EIF5A: variants seen among roughly 807,000 people sequenced by gnomAD.
The protein encoded by EIF5A is eukaryotic translation initiation factor 5A, also known as eukaryotic translation initiation factor 5A-1.
In EIF5A, 1 loss-of-function variant was observed where a neutral mutation model predicts 16.6. The observed-to-expected ratio is 0.06, with a 90% CI of 0.02 to 0.28. EIF5A has a LOEUF of 0.28. EIF5A is among the 10% of genes least tolerant of loss of function. The pLI is 1.00. For missense variants in EIF5A, 29 were observed against 196.1 expected (o/e 0.15, Z 5.09); for synonymous variants, 80 against 73.6 (o/e 1.09, Z -0.44).
intron 1 of EIF5A, chr17:7,308,717 TTCACCTTG>T (rs1377394269): frequency 1.6e-6 from 1 of 614,332 alleles, no homozygotes; most frequent in Non-Finnish European, 2.4e-6. Flanking sequence ...ATAGGCGTTC[TTCACCTTG>T]TCACTGTCTT....
At chr17:7,308,419 C>T (rs2072701059) in intron 1 of EIF5A, 1 of 1,292,924 alleles carries the variant, frequency 7.7e-7, no homozygotes. Context: ...CGCGGGGGTT[C>T]CGAGGGGGCC....
Position 7,308,300 on chromosome 17 carries a change from G to C in EIF5A, c.-22+548G>C, listed in dbSNP as rs1029720262. 8.9e-5 allele frequency: 102 copies of C among 1,143,094 alleles called. No individual in the cohort carries two copies. The African/African-American group carries it at 1.4e-3, about 16-fold the overall frequency. The allele number at this position is 1,143,094 out of a possible 1,614,324, so 70.8% of individuals were successfully genotyped here. On this transcript the variant is annotated intron_variant, in intron 1 of 5. Coordinates refer to ENST00000336458, the MANE Select transcript of EIF5A (RefSeq NM_001970.5). ...GCCGCATGGCCAAGCGTGGACCGGG[G>C]CCGCATGGCAGCGCGGGGACCCCTC...
chr17:7,308,921 A>C (rs1387042493), intron 1 of EIF5A, among the ~76,000 whole-genome samples: 2 of 152,178 alleles, frequency 1.3e-5, no homozygotes, highest in Non-Finnish European at 2.9e-5. Flanking sequence ...GGACAGATGC[A>C]TCCTGGGAAA....
chr17:7,308,141 G>T, intron 1 of EIF5A: 10 of 438,338 alleles, frequency 2.3e-5, no homozygotes, highest in Non-Finnish European at 3.1e-5. Context: ...TCGGTGAGAG[G>T]GCATGATGGG....
At position 7,311,496 on chromosome 17, in the gene EIF5A, T is replaced by G. The variant is rs374999461; in HGVS notation, c.402+15T>G. ...AAGAGATCCTGGTATGGTGCCTCCC[T>G]CCCTGCTTCTGTGCTCAGCTTTGTT... On this transcript the variant is annotated intron_variant, in intron 4 of 5. Coordinates refer to ENST00000336458, the MANE Select transcript of EIF5A (RefSeq NM_001970.5). 73 of 1,614,026 alleles carry G rather than the reference T, an allele frequency of 4.5e-5. No homozygotes were observed. The highest frequency in any genetic ancestry group is 5.8e-5 in the Non-Finnish European group (69 of 1,180,024).
At chr17:7,308,506 C>T in intron 1 of EIF5A, 1 of 1,351,394 alleles carries the variant, frequency 7.4e-7, no homozygotes, top group Non-Finnish European at 9.8e-7. Context: ...TATGTTAGCG[C>T]TTCCCAACCT....
intron 2 of EIF5A, chr17:7,310,394 C>G (rs2143009161): frequency 1.7e-6 from 2 of 1,189,588 alleles, no homozygotes; most frequent in East Asian, 5.9e-5. Flanking sequence ...CCCTCATCAC[C>G]TCAGACTTTT....
intron 1 of EIF5A, 129 bp downstream of exon 1, chr17:7,307,881 G>A: frequency 1.0e-6 from 1 of 983,642 alleles, no homozygotes; most frequent in Non-Finnish European, 1.2e-6. Context: ...GCCAGAGAGC[G>A]GCGCGAGGTG....
chr17:7,307,033 G>C (rs9904081), upstream of EIF5A: 14,396 of 1,587,156 alleles, frequency 9.1e-3, 1,153 homozygotes, highest in African/African-American at 0.17. Flanking sequence ...GGGGCGGAAA[G>C]ACATCTCCCG....
At position 7,307,643 on chromosome 17, in the gene EIF5A, T is replaced by TGCA. The variant is rs981904428; in HGVS notation, c.-125_-123dup. ...CGGCGCCTGCGTACTAAGACCCGTG[T>TGCA]GCAGCAGCGGCGGCGGCGGTAGAGG... On this transcript the variant is annotated 5_prime_UTR_variant, in exon 1 of 6. Coordinates refer to ENST00000336458, the MANE Select transcript of EIF5A (RefSeq NM_001970.5). 1.4e-4 allele frequency: 152 copies of TGCA among 1,049,510 alleles called. No individual in the cohort carries two copies. In the African/African-American group the frequency reaches 2.3e-3, roughly 16 times the overall value. The allele number at this position is 1,049,510 out of a possible 1,614,324, so 65.0% of individuals were successfully genotyped here.
intron 1 of EIF5A, chr17:7,308,161 C>A: frequency 2.3e-6 from 1 of 429,450 alleles, no homozygotes; most frequent in Non-Finnish European, 2.8e-6. Context: ...GGGGGGTTGG[C>A]GGACGGCCGG....
upstream of EIF5A, chr17:7,307,422 GT>G (rs2072654978): frequency 6.4e-6 from 7 of 1,095,730 alleles, no homozygotes; most frequent in South Asian, 1.8e-4. Context: ...GCGCCTGCGC[GT>G]TGCAGATTAG....
At position 7,312,130 on chromosome 17, in the gene EIF5A, A is replaced by G; in HGVS notation, c.*320A>G. 3.0e-5 allele frequency: 1 copy of G among 33,090 alleles called. No homozygotes were observed. Among genetic ancestry groups the G allele is most frequent in the Non-Finnish European group, 7.1e-5 (1 of 14,008 alleles). 2.0% of individuals were successfully genotyped at this position (33,090 alleles called of 1,614,324 possible). ...TAGTCTTTTTTTTTTTTTTTTTTTTAATTCAATCTGGAATCAGAAAGCGGT... is the reference window on the plus strand; with the variant it reads ...TAGTCTTTTTTTTTTTTTTTTTTTTGATTCAATCTGGAATCAGAAAGCGGT... On this transcript the variant is annotated 3_prime_UTR_variant, in exon 6 of 6. Transcript: ENST00000336458.
At chr17:7,307,480 C>T, upstream of EIF5A, 2 of 1,008,158 alleles carry the variant, frequency 2.0e-6, no homozygotes, top group Non-Finnish European at 2.4e-6. Context: ...GTATGCGCGT[C>T]ATTGGACGGG....
intron 1 of EIF5A, among the ~76,000 whole-genome samples, chr17:7,309,131 G>T (rs370356146): frequency 1.3e-5 from 2 of 150,436 alleles, no homozygotes; most frequent in African/African-American, 2.5e-5. Flanking sequence ...TGTGTGGATG[G>T]GGGGGGGCAG....
rs572915518 is a variant in EIF5A, at chr17:7,311,969, C to T, written c.*159C>T. 1.2e-4 allele frequency: 50 copies of T among 422,834 alleles called. No individual in the cohort carries two copies. Among genetic ancestry groups the T allele is most frequent in the South Asian group, 1.0e-3 (38 of 36,478 alleles). 26.2% of individuals were successfully genotyped at this position (422,834 alleles called of 1,614,324 possible). ...GGTTTTCCCCACCCCCTCAATCTGT[C>T]GGGGAGCCCCTGCCCTTCACCTAGC... On this transcript the variant is annotated 3_prime_UTR_variant, in exon 6 of 6. Coordinates refer to ENST00000336458, the MANE Select transcript of EIF5A (RefSeq NM_001970.5).
chr17:7,310,977 TAG>T (rs2072808574), intron 2 of EIF5A, 39 bp from the exon 3 acceptor site: 1 of 1,586,874 alleles, frequency 6.3e-7, no homozygotes, highest in Admixed American at 1.7e-5. Context: ...TCCTCCGTTT[TAG>T]AGTTTGGTTG....
chr17:7,307,031 A>G (rs2072643261), upstream of EIF5A: 4 of 1,584,836 alleles, frequency 2.5e-6, no homozygotes, highest in Admixed American at 1.8e-5. Context: ...GTGGGGCGGA[A>G]AGACATCTCC....
At chr17:7,310,122 TTTTC>T (rs1308264722) in intron 2 of EIF5A, 1 of 1,332,670 alleles carries the variant, frequency 7.5e-7, no homozygotes, top group Non-Finnish European at 9.8e-7. Flanking sequence ...GGTTTTCACT[TTTTC>T]TTTCTTCCCT....
Sources: gnomAD v4.1 joint callset for allele counts (sites outside exome capture counted in the v4.1 genomes callset) on GRCh38, gnomAD v4.1.1 for gene constraint, MANE v1.5 for transcripts, NCBI Gene and HGNC (gene_info 2026-07-23, HGNC 2026-07-21) for gene names.